The following IMMP2L variants were observed in gnomAD, a reference collection of about 807,000 sequenced individuals.
IMMP2L encodes the protein mitochondrial inner membrane protease subunit 2.
In IMMP2L, 18 loss-of-function variants were observed where a neutral mutation model predicts 19.3. The ratio of observed to expected loss-of-function variants is 0.93; its 90% CI spans 0.64 to 1.38. The LOEUF (loss-of-function observed/expected upper bound fraction) is 1.38, where lower values mean the gene tolerates loss of function less well. Among genes scored for constraint, IMMP2L ranks in the 40% most tolerant of loss-of-function variants. The pLI is 0.00. For synonymous variants in IMMP2L, 76 were observed against 73.0 expected (o/e 1.04, Z -0.21); for missense variants, 233 against 218.2 (o/e 1.07, Z -0.43).
At chr7:111,034,627 T>C (rs527829623) in intron 3 of IMMP2L, among the ~76,000 whole-genome samples, 1 of 152,134 alleles carries the variant, frequency 6.6e-6, no homozygotes, top group African/African-American at 2.4e-5. Context: ...TTGCGGTATA[T>C]AGCAATATCT....
At chr7:111,156,062 T>C (rs1395408611) in intron 3 of IMMP2L, among the ~76,000 whole-genome samples, 4 of 151,980 alleles carry the variant, frequency 2.6e-5, no homozygotes, top group South Asian at 2.1e-4. Context: ...CATTGCTCTA[T>C]AGAATTTAAT....
intron 2 of IMMP2L, among the ~76,000 whole-genome samples, chr7:111,509,239 G>C (rs1033987058): frequency 1.3e-5 from 2 of 152,052 alleles, no homozygotes; most frequent in Non-Finnish European, 2.9e-5. Context: ...TAATTTCATA[G>C]GTCTGAAATG....
intron 3 of IMMP2L, among the ~76,000 whole-genome samples, chr7:110,977,305 T>C (rs1161685275): frequency 6.6e-6 from 1 of 151,922 alleles, no homozygotes; most frequent in Non-Finnish European, 1.5e-5. Flanking sequence ...TTAGCTATCT[T>C]AACATCTATT....
intron 3 of IMMP2L, among the ~76,000 whole-genome samples, chr7:111,022,690 A>G (rs1234074965): frequency 6.6e-6 from 1 of 152,184 alleles, no homozygotes; most frequent in African/African-American, 2.4e-5. Context: ...AGGATGATCT[A>G]TATCCTATAG....
At chr7:110,818,356 T>A (rs1802723715) in intron 5 of IMMP2L, among the ~76,000 whole-genome samples, 1 of 151,962 alleles carries the variant, frequency 6.6e-6, no homozygotes. Context: ...AACAGACACA[T>A]GAAAAAATGC....
intron 5 of IMMP2L, among the ~76,000 whole-genome samples, chr7:110,699,653 C>A (rs1794123085): frequency 6.6e-6 from 1 of 151,766 alleles, no homozygotes; most frequent in Non-Finnish European, 1.5e-5. Flanking sequence ...CACCTGTAAT[C>A]CCAGCTGGGG....
intron 5 of IMMP2L, among the ~76,000 whole-genome samples, chr7:110,756,961 T>A (rs1053725776): frequency 3.3e-5 from 5 of 152,108 alleles, no homozygotes; most frequent in African/African-American, 9.6e-5. Flanking sequence ...TTTATTTGTA[T>A]GTATTTATAC....
rs151333386 is a variant in IMMP2L, at chr7:111,011,549, G to A, written c.240-47984C>T. Among the ~76,000 whole-genome samples the A allele has an allele frequency of 6.7e-3, 1,013 of 152,256 alleles. 7 individuals carry two copies. Among genetic ancestry groups the A allele is most frequent in the Middle Eastern group, 0.027 (8 of 294 alleles). On this transcript the variant is annotated intron_variant, in intron 3 of 5. Coordinates refer to ENST00000405709, the MANE Select transcript of IMMP2L (RefSeq NM_032549.4). ...AAGGGGGAGGGAGGCAATAAATGGA[G>A]AGCCTGTGGCCTTCTTTTCTGGACC...
chr7:111,044,362 C>A (rs1792181047), intron 3 of IMMP2L, among the ~76,000 whole-genome samples: 1 of 152,134 alleles, frequency 6.6e-6, no homozygotes, highest in Non-Finnish European at 1.5e-5. Context: ...GAGTTCAAGA[C>A]CAGCCTGGCC....
At chr7:111,432,965 G>GAA (rs543323034) in intron 3 of IMMP2L, among the ~76,000 whole-genome samples, 1 of 137,604 alleles carries the variant, frequency 7.3e-6, no homozygotes. Context: ...CAAAAAAAAA[G>GAA]AAAAAAAAAA....
intron 2 of IMMP2L, among the ~76,000 whole-genome samples, chr7:111,516,949 A>G (rs1268591416): frequency 1.3e-5 from 2 of 152,054 alleles, no homozygotes; most frequent in Non-Finnish European, 2.9e-5. Flanking sequence ...GGAAGTGCAA[A>G]TTTACCAGGT....
intron 3 of IMMP2L, among the ~76,000 whole-genome samples, chr7:111,446,507 G>C (rs1369660712): frequency 1.3e-5 from 2 of 149,322 alleles, no homozygotes; most frequent in African/African-American, 2.5e-5. Context: ...CTGTCTGTTA[G>C]AAGAAAAACT....
rs144920071 is a variant in IMMP2L, at chr7:111,163,225, C to T, written c.240-199660G>A. On this transcript the variant is annotated intron_variant, in intron 3 of 5. Transcript: ENST00000405709. ...GGGCACCTTGCTCTAATACCATTGC[C>T]TCCTGTCATAAAGATAGATTGCTTC... Among the ~76,000 whole-genome samples, 233 of 152,152 alleles carry T rather than the reference C, an allele frequency of 1.5e-3. 4 individuals carry two copies. The highest frequency in any genetic ancestry group is 5.3e-3 in the African/African-American group (221 of 41,526).
intron 3 of IMMP2L, among the ~76,000 whole-genome samples, chr7:111,336,375 A>G (rs1441394955): frequency 1.3e-5 from 2 of 151,950 alleles, no homozygotes; most frequent in Non-Finnish European, 2.9e-5. Context: ...TGAATGGAAG[A>G]TAAAGAAATA....
At position 111,531,240 on chromosome 7, in the gene IMMP2L, C is replaced by CCACT. The variant is rs572897211; in HGVS notation, c.-2-9795_-2-9792dup. Among the ~76,000 whole-genome samples, 38 of 151,998 alleles carry CCACT rather than the reference C, an allele frequency of 2.5e-4. 1 individual carries two copies. The highest frequency in any genetic ancestry group is 3.8e-4 in the Non-Finnish European group (26 of 67,978). ...AAAGTGCTGGGATTACAGGCATGAGCCACTGCGTCCGGCCTGAATACGAAT... is the reference window on the plus strand; with the variant it reads ...AAAGTGCTGGGATTACAGGCATGAGCCACTCACTGCGTCCGGCCTGAATACGAAT... On this transcript the variant is annotated intron_variant, in intron 1 of 5. Coordinates refer to ENST00000405709, the MANE Select transcript of IMMP2L (RefSeq NM_032549.4).
chr7:111,170,154 GA>G (rs1202283228), intron 3 of IMMP2L, among the ~76,000 whole-genome samples: 3 of 151,594 alleles, frequency 2.0e-5, no homozygotes, highest in African/African-American at 7.3e-5. Flanking sequence ...CCATTTGGAA[GA>G]AAAAAACCCA....
chr7:110,770,294 C>A (rs1212102607), intron 5 of IMMP2L, among the ~76,000 whole-genome samples: 2 of 152,118 alleles, frequency 1.3e-5, no homozygotes, highest in Non-Finnish European at 2.9e-5. Flanking sequence ...GTCATTCCTG[C>A]ATAAATTCAA....
chr7:110,755,397 T>G (rs1312534059), intron 5 of IMMP2L, among the ~76,000 whole-genome samples: 1 of 152,148 alleles, frequency 6.6e-6, no homozygotes, highest in Non-Finnish European at 1.5e-5. Flanking sequence ...AAATACTGTT[T>G]AAAATACTTT....
At chr7:110,918,019 A>T (rs1813815368) in intron 4 of IMMP2L, among the ~76,000 whole-genome samples, 1 of 152,156 alleles carries the variant, frequency 6.6e-6, no homozygotes, top group African/African-American at 2.4e-5. Flanking sequence ...CTTCTACTTC[A>T]CTTTCAATCA....
Sources: allele counts gnomAD v4.1 joint callset (sites outside exome capture counted in the v4.1 genomes callset), GRCh38; gene constraint gnomAD v4.1.1; transcripts MANE v1.5; gene names NCBI Gene and HGNC (gene_info 2026-07-23, HGNC 2026-07-21).